CDH13: variants seen among roughly 807,000 people sequenced by gnomAD.
CDH13 encodes the protein cadherin-13.
In CDH13, 24 loss-of-function variants were observed where a neutral mutation model predicts 63.8. The ratio of observed to expected loss-of-function variants is 0.38; its 90% CI spans 0.27 to 0.53. The LOEUF is 0.53. CDH13 is among the 20% of genes least tolerant of loss of function. The pLI is 0.85. For missense variants in CDH13, 1,049 were observed against 903.1 expected, an observed-to-expected ratio of 1.16 and a Z score of -2.07; for synonymous variants, 503 against 355.3, an observed-to-expected ratio of 1.42 and a Z score of -4.67.
intron 2 of CDH13, among the ~76,000 whole-genome samples, chr16:82,893,048 A>T (rs2041136973): frequency 6.6e-6 from 1 of 152,250 alleles, no homozygotes; most frequent in African/African-American, 2.4e-5. Flanking sequence ...AGAGGGAAAA[A>T]GATGAGGTCA....
At chr16:83,391,733 A>G (rs2091790926) in intron 6 of CDH13, among the ~76,000 whole-genome samples, 1 of 152,180 alleles carries the variant, frequency 6.6e-6, no homozygotes, top group African/African-American at 2.4e-5. Flanking sequence ...CACCCAAGTG[A>G]CATTCAGTAT....
chr16:83,691,358 C>T (rs1161638111), intron 10 of CDH13, among the ~76,000 whole-genome samples: 5 of 152,106 alleles, frequency 3.3e-5, no homozygotes, highest in Non-Finnish European at 2.9e-5. Flanking sequence ...GTGTCATCAA[C>T]ATCCAGATGG....
At chr16:83,777,272 G>A (rs373947807) in intron 11 of CDH13, among the ~76,000 whole-genome samples, 3 of 152,168 alleles carry the variant, frequency 2.0e-5, no homozygotes, top group African/African-American at 7.2e-5. Context: ...TGTAGAATTG[G>A]TACAGGTCCC....
At chr16:82,730,387 G>C (rs2033337348) in intron 1 of CDH13, among the ~76,000 whole-genome samples, 1 of 152,138 alleles carries the variant, frequency 6.6e-6, no homozygotes, top group Non-Finnish European at 1.5e-5. Flanking sequence ...ATGTGTCTCA[G>C]GTAATAGAAA....
intron 6 of CDH13, among the ~76,000 whole-genome samples, chr16:83,432,887 G>C (rs1369322654): frequency 6.6e-6 from 1 of 152,198 alleles, no homozygotes; most frequent in African/African-American, 2.4e-5. Context: ...AAACTTGCAT[G>C]GTCCTGTTTG....
chr16:83,234,399 G>A (rs959790888), intron 5 of CDH13, among the ~76,000 whole-genome samples: 1 of 152,134 alleles, frequency 6.6e-6, no homozygotes, highest in Admixed American at 6.5e-5. Flanking sequence ...ATAACCACCT[G>A]CCCCAAGGCC....
chr16:83,333,936 A>T (rs2090531314), intron 5 of CDH13, among the ~76,000 whole-genome samples: 1 of 152,190 alleles, frequency 6.6e-6, no homozygotes, highest in South Asian at 2.1e-4. Context: ...AAAACAACAC[A>T]AATCTTATCT....
At chr16:82,892,035 A>G (rs1012309762) in intron 2 of CDH13, among the ~76,000 whole-genome samples, 5 of 151,920 alleles carry the variant, frequency 3.3e-5, no homozygotes, top group South Asian at 2.1e-4. Flanking sequence ...TTCACTTCCA[A>G]CCTCAGCTCG....
intron 6 of CDH13, among the ~76,000 whole-genome samples, chr16:83,457,626 C>G (rs2073059369): frequency 6.6e-6 from 1 of 152,078 alleles, no homozygotes. Context: ...GGAGGAGCAC[C>G]TAAGGCAGAC....
intron 1 of CDH13, among the ~76,000 whole-genome samples, chr16:82,842,410 T>C (rs1008008198): frequency 6.6e-6 from 1 of 151,708 alleles, no homozygotes; most frequent in Non-Finnish European, 1.5e-5. Context: ...CCTATCCTCA[T>C]TTGTAGTTCT....
intron 5 of CDH13, among the ~76,000 whole-genome samples, chr16:83,335,908 A>G (rs1375831813): frequency 6.6e-6 from 1 of 152,096 alleles, no homozygotes. Context: ...AATCTTGCCG[A>G]TGCCCCCGGC....
intron 2 of CDH13, among the ~76,000 whole-genome samples, chr16:82,958,880 C>G (rs1334769098): frequency 6.6e-6 from 1 of 152,266 alleles, no homozygotes; most frequent in Non-Finnish European, 1.5e-5. Flanking sequence ...TGAATGGAAC[C>G]TTCCACCTGG....
chr16:82,686,075 C>G (rs1040682211), intron 1 of CDH13, among the ~76,000 whole-genome samples: 1 of 152,086 alleles, frequency 6.6e-6, no homozygotes, highest in Non-Finnish European at 1.5e-5. Flanking sequence ...TGATAATCAC[C>G]CTTAGCTCCA....
chr16:83,399,930 T>G (rs1189940353), intron 6 of CDH13, among the ~76,000 whole-genome samples: 1 of 152,172 alleles, frequency 6.6e-6, no homozygotes, highest in Non-Finnish European at 1.5e-5. Context: ...GTGATGTAAA[T>G]AGGACATTAT....
intron 2 of CDH13, among the ~76,000 whole-genome samples, chr16:82,928,802 G>A (rs1459613727): frequency 6.6e-6 from 1 of 152,202 alleles, no homozygotes; most frequent in Non-Finnish European, 1.5e-5. Flanking sequence ...GAAACCACTG[G>A]AAAGGTTGGA....
chr16:82,738,183 G>T (rs557566691), intron 1 of CDH13, among the ~76,000 whole-genome samples: 162 of 152,294 alleles, frequency 1.1e-3, no homozygotes, highest in African/African-American at 3.8e-3. Flanking sequence ...TTTCTTGCAA[G>T]AATATGATGG....
chr16:82,819,141 G>C (rs997920981), intron 1 of CDH13, among the ~76,000 whole-genome samples: 1 of 152,168 alleles, frequency 6.6e-6, no homozygotes, highest in Non-Finnish European at 1.5e-5. Flanking sequence ...AAATTTCATT[G>C]TTTAGAGTGT....
chr16:83,747,437 G>C (rs1486949455), intron 10 of CDH13, among the ~76,000 whole-genome samples: 1 of 152,164 alleles, frequency 6.6e-6, no homozygotes, highest in Admixed American at 6.5e-5. Flanking sequence ...CTTCCGCCAT[G>C]ATTGCGAGGC....
chr16:82,948,152 A>C (rs552929522), intron 2 of CDH13, among the ~76,000 whole-genome samples: 2 of 152,276 alleles, frequency 1.3e-5, no homozygotes, highest in African/African-American at 4.8e-5. Context: ...GAAATGAAAC[A>C]CCATTTTGAT....
Sources: allele counts gnomAD v4.1 joint callset (sites outside exome capture counted in the v4.1 genomes callset), GRCh38; gene constraint gnomAD v4.1.1; transcripts MANE v1.5; gene names NCBI Gene and HGNC (gene_info 2026-07-23, HGNC 2026-07-21).